Variants in SV2C observed in about 807,000 individuals in gnomAD.
SV2C encodes synaptic vesicle glycoprotein 2C.
Under a neutral mutation model 79.7 loss-of-function variants are expected in SV2C, and 49 were observed. The observed-to-expected ratio is 0.61, with a 90% confidence interval of 0.49 to 0.78. SV2C has a LOEUF of 0.78. Among genes scored for constraint, SV2C ranks in the 30% least tolerant of loss-of-function variants. The pLI is 0.00. For missense variants in SV2C, 833 were observed against 912.9 expected (o/e 0.91, Z 1.13); for synonymous variants, 334 against 333.2 (o/e 1.00, Z -0.03).
At chr5:76,045,407 G>A in the SV2C span, among the ~76,000 whole-genome samples, 2 of 152,022 alleles carry the variant, frequency 1.3e-5, no homozygotes, top group Non-Finnish European at 2.9e-5. Flanking sequence ...CTCTTTTTGG[G>A]TTTCATATGA....
chr5:76,031,763 A>C, the SV2C span, among the ~76,000 whole-genome samples: 3 of 152,244 alleles, frequency 2.0e-5, no homozygotes, highest in Admixed American at 1.3e-4. Flanking sequence ...TGAATTAATT[A>C]GTTGACATTA....
chr5:76,019,669 C>T, the SV2C span, among the ~76,000 whole-genome samples: 249 of 151,998 alleles, frequency 1.6e-3, 7 homozygotes, highest in East Asian at 0.046. Flanking sequence ...CCAAGACTCT[C>T]GGATGAGAGA....
At chr5:75,852,821 G>A in the SV2C span, among the ~76,000 whole-genome samples, 1 of 98,548 alleles carries the variant, frequency 1.0e-5, no homozygotes, top group East Asian at 2.7e-4. Context: ...GCGAGACTCC[G>A]TCTCAAAAAA....
chr5:76,132,890 A>T (rs7448881), intron 2 of SV2C, among the ~76,000 whole-genome samples: 29,362 of 151,792 alleles, frequency 0.19, 3,301 homozygotes, highest in South Asian at 0.32. Context: ...AATTTTCTAT[A>T]GGTGATTTTT....
At chr5:76,200,428 T>G (rs978958498) in intron 3 of SV2C, among the ~76,000 whole-genome samples, 2 of 152,250 alleles carry the variant, frequency 1.3e-5, no homozygotes, top group African/African-American at 2.4e-5. Flanking sequence ...AGCTAGGACT[T>G]AAATTGCAAT....
intron 2 of SV2C, among the ~76,000 whole-genome samples, chr5:76,137,112 G>A (rs183997230): frequency 2.0e-4 from 30 of 152,312 alleles, no homozygotes; most frequent in Admixed American, 1.1e-3. Flanking sequence ...ATAGCTGTAC[G>A]TTGGCAATAA....
chr5:76,308,334 A>G (rs999225780), intron 12 of SV2C, among the ~76,000 whole-genome samples: 2 of 151,970 alleles, frequency 1.3e-5, no homozygotes, highest in African/African-American at 2.4e-5. Context: ...CATGGGAGGG[A>G]GGGAAGGAGG....
At chr5:76,149,278 T>C (rs780957943) in intron 2 of SV2C, among the ~76,000 whole-genome samples, 61 of 152,222 alleles carry the variant, frequency 4.0e-4, no homozygotes, top group Middle Eastern at 3.2e-3. Flanking sequence ...TTCCAAGTGA[T>C]TCCTATTCAA....
At chr5:75,993,023 GA>G in the SV2C span, among the ~76,000 whole-genome samples, 1 of 152,022 alleles carries the variant, frequency 6.6e-6, no homozygotes, top group Admixed American at 6.6e-5. Flanking sequence ...AGAGTATGAT[GA>G]AATCATAGGC....
chr5:76,317,568 G>A (rs1748670470), intron 12 of SV2C, among the ~76,000 whole-genome samples: 1 of 152,120 alleles, frequency 6.6e-6, no homozygotes, highest in South Asian at 2.1e-4. Flanking sequence ...TGTGGCTCAT[G>A]CCTGTAACCC....
chr5:76,175,561 C>T (rs947229231), intron 2 of SV2C, among the ~76,000 whole-genome samples: 2 of 152,062 alleles, frequency 1.3e-5, no homozygotes, highest in Admixed American at 6.5e-5. Flanking sequence ...TAAAATTTCC[C>T]CCATATCCCA....
intron 4 of SV2C, among the ~76,000 whole-genome samples, chr5:76,258,663 A>G (rs1746371895): frequency 6.6e-6 from 1 of 152,180 alleles, no homozygotes; most frequent in African/African-American, 2.4e-5. Context: ...TTTTGTTGTT[A>G]TCGCACCACT....
chr5:76,140,956 C>T (rs1749232145), intron 2 of SV2C, among the ~76,000 whole-genome samples: 1 of 152,196 alleles, frequency 6.6e-6, no homozygotes, highest in Admixed American at 6.5e-5. Context: ...TCATAGAGCA[C>T]ATCCTGTCTA....
In SV2C at chr5:76,330,545, G is replaced by A. The variant is rs10805900; in HGVS notation, c.*4998G>A. 128,070 of 149,348 alleles carry A rather than the reference G, an allele frequency of 0.86. 55,566 individuals carry two copies. Among genetic ancestry groups the A allele is most frequent in the African/African-American group, 0.96 (38,690 of 40,286 alleles). 9.3% of individuals were successfully genotyped at this position (149,348 alleles called of 1,614,324 possible). On this transcript the variant is annotated 3_prime_UTR_variant, in exon 13 of 13. Coordinates refer to ENST00000502798, the MANE Select transcript of SV2C (RefSeq NM_014979.4). Reference sequence around the variant, plus strand: ...ACTCTCACACTGACCCCCATTACATGTGAACCCTCCGCGCCCCCCCCCATA... The same window carrying A: ...ACTCTCACACTGACCCCCATTACATATGAACCCTCCGCGCCCCCCCCCATA...
At position 76,300,885 on chromosome 5, in the gene SV2C, T is replaced by C. The variant is rs771360261; in HGVS notation, c.1793T>C (p.Ile598Thr). The stretch of plus-strand genomic sequence containing the variant: ...ACATTGGCAGTATTGCCAGGGAACA[T>C]TGTGTCTGCTCTGCTGATGGACAGA... ...LGTLAVLPGN[I>T]VSALLMDRIG... is the part of the protein sequence containing the mutation. The change falls in exon 11 of 13, where the codon ATT becomes ACT. Residue 598 changes from isoleucine to threonine, a missense_variant. Physicochemically the swap from Ile to Thr is moderately conservative, Grantham distance 89 (BLOSUM62 -1). Coordinates refer to ENST00000502798, the MANE Select transcript of SV2C (RefSeq NM_014979.4). 3 of 1,614,186 alleles carry C rather than the reference T, an allele frequency of 1.9e-6. No individual in the cohort carries two copies. Among genetic ancestry groups the C allele is most frequent in the South Asian group, 1.1e-5 (1 of 91,088 alleles).
chr5:75,854,717 G>A, the SV2C span, among the ~76,000 whole-genome samples: 1 of 151,932 alleles, frequency 6.6e-6, no homozygotes, highest in East Asian at 1.9e-4. Context: ...TTCTTCTGAC[G>A]AACTTCCATG....
chr5:76,149,408 C>T (rs1749532107), intron 2 of SV2C, among the ~76,000 whole-genome samples: 1 of 152,172 alleles, frequency 6.6e-6, no homozygotes. Flanking sequence ...AGTGGGGCCT[C>T]AGGTTCTGCA....
At position 76,317,475 on chromosome 5, in the gene SV2C, C is replaced by T. The variant is rs546100616; in HGVS notation, c.2001-7889C>T. 3.3e-5 allele frequency among the ~76,000 whole-genome samples: 5 copies of T among 151,848 alleles called. No individual in the cohort carries two copies. In the East Asian group the frequency reaches 9.7e-4, roughly 29 times the overall value. On this transcript the variant is annotated intron_variant, in intron 12 of 12. Transcript: ENST00000502798. ...CACACATACACACACACACTTTTAC[C>T]CTTTAACAGGTAAATTCTATGAGCT...
the SV2C span, among the ~76,000 whole-genome samples, chr5:76,067,832 A>G: frequency 2.0e-5 from 3 of 152,020 alleles, no homozygotes; most frequent in African/African-American, 7.2e-5. Flanking sequence ...TAGGTATTTT[A>G]TGTTTTCTCT....
Sources: gnomAD v4.1 joint callset for allele counts (sites outside exome capture counted in the v4.1 genomes callset) on GRCh38, gnomAD v4.1.1 for gene constraint, MANE v1.5 for transcripts, NCBI Gene and HGNC (gene_info 2026-07-23, HGNC 2026-07-21) for gene names.